ATAD2B: variants seen among roughly 807,000 people sequenced by gnomAD.
ATAD2B encodes ATPase family AAA domain containing 2B.
Under a neutral mutation model 167.6 loss-of-function variants are expected in ATAD2B, and 40 were observed. That is an observed-to-expected ratio of 0.24 (90% confidence interval 0.19 to 0.31). The LOEUF is 0.31. Among genes scored for constraint, ATAD2B ranks in the 10% least tolerant of loss-of-function variants. The pLI, the probability that ATAD2B is intolerant of heterozygous loss-of-function variation, is 1.00. For missense variants in ATAD2B, 1,242 were observed against 1,757.2 expected (o/e 0.71, Z 5.24); for synonymous variants, 579 against 596.5 (o/e 0.97, Z 0.43).
chr2:23,906,706 C>A (rs952895955), intron 1 of ATAD2B, among the ~76,000 whole-genome samples: 4 of 151,810 alleles, frequency 2.6e-5, no homozygotes, highest in East Asian at 1.9e-4. Context: ...AACATTGATG[C>A]AAAAATCCTC....
chr2:23,828,311 G>T (rs2149700695), intron 15 of ATAD2B, among the ~76,000 whole-genome samples: 1 of 152,232 alleles, frequency 6.6e-6, no homozygotes, highest in East Asian at 1.9e-4. Flanking sequence ...TCTGTGGGGA[G>T]ATCTTCCACT....
chr2:23,926,857 G>C lies in ATAD2B; in HGVS notation c.-87C>G. On this transcript the variant is annotated 5_prime_UTR_variant, in exon 1 of 28. Transcript: ENST00000238789. The stretch of plus-strand genomic sequence containing the variant: ...CGGCCGGTCAGTCAGGGCCAGCGGA[G>C]CCGAGCCGGGCAATGAGAGACGAGC... 7.1e-7 allele frequency: 1 copy of C among 1,417,064 alleles called. No homozygotes were observed. Among genetic ancestry groups the C allele is most frequent in the Non-Finnish European group, 9.3e-7 (1 of 1,079,448 alleles). The allele number at this position is 1,417,064 out of a possible 1,614,324, so 87.8% of individuals were successfully genotyped here.
chr2:23,710,504 A>G, the ATAD2B span, among the ~76,000 whole-genome samples: 5 of 152,316 alleles, frequency 3.3e-5, no homozygotes, highest in Admixed American at 3.3e-4. Flanking sequence ...GCTTTTAGAG[A>G]GCAGTGAGGC....
chr2:23,780,117 G>A (rs556881843), intron 22 of ATAD2B, among the ~76,000 whole-genome samples: 3 of 151,918 alleles, frequency 2.0e-5, no homozygotes, highest in South Asian at 2.1e-4. Context: ...GTGTGGTGGC[G>A]TGTGCCTGTA....
the ATAD2B span, among the ~76,000 whole-genome samples, chr2:23,741,874 T>C: frequency 4.6e-5 from 7 of 151,510 alleles, no homozygotes; most frequent in East Asian, 1.9e-4. Flanking sequence ...ACAAACAACC[T>C]CATCAAAAAG....
At chr2:23,824,474 A>G (rs72782136) in intron 15 of ATAD2B, among the ~76,000 whole-genome samples, 18,170 of 152,262 alleles carry the variant, frequency 0.12, 1,159 homozygotes, top group Middle Eastern at 0.22. Flanking sequence ...AACTCTGAGT[A>G]CAACCAACTA....
intron 1 of ATAD2B, among the ~76,000 whole-genome samples, chr2:23,917,980 C>A (rs185909441): frequency 6.6e-6 from 1 of 151,412 alleles, no homozygotes; most frequent in African/African-American, 2.4e-5. Flanking sequence ...ATCGCTTGAA[C>A]GCCAGAGGCA....
chr2:23,810,848 T>C (rs1346530682), intron 17 of ATAD2B, among the ~76,000 whole-genome samples: 1 of 151,936 alleles, frequency 6.6e-6, no homozygotes, highest in Admixed American at 6.6e-5. Context: ...CCGTCTCTAC[T>C]AAAAATACAA....
intron 1 of ATAD2B, among the ~76,000 whole-genome samples, chr2:23,914,770 G>C (rs566375911): frequency 1.3e-5 from 2 of 152,024 alleles, no homozygotes; most frequent in South Asian, 4.2e-4. Context: ...TGAACCCCGG[G>C]GGGCGGAAAC....
rs370812876 is a variant in ATAD2B, at chr2:23,754,676, G to C, written c.4177C>G (p.Pro1393Ala). Residue 1393 changes from proline to alanine, a missense_variant, in exon 26 of 28, where the codon CCT becomes GCT. Pro to Ala is a conservative substitution (Grantham distance 27). Around this residue, in one of 9 missense-constraint regions of ATAD2B, gnomAD observed 282 missense variants for 346.8 expected, o/e 0.81. Transcript: ENST00000238789. Reference sequence around the variant, plus strand: ...AATCTCTCACGATCAACTATAAGAGGAGGCACAGGCTCAGATGGCTCTTCT... The same window carrying C: ...AATCTCTCACGATCAACTATAAGAGCAGGCACAGGCTCAGATGGCTCTTCT... ...VPEEPSEPVP[P>A]LIVDRERLKK... The C allele has an allele frequency of 6.2e-7, 1 of 1,612,866 alleles. No individual in the cohort carries two copies.
chr2:23,728,480 G>A, the ATAD2B span, among the ~76,000 whole-genome samples: 516 of 151,540 alleles, frequency 3.4e-3, 3 homozygotes, highest in African/African-American at 0.012. Context: ...TACATACTAC[G>A]AAAAAAAGTC....
At chr2:23,887,572 TGAG>T (rs1246999612) in intron 4 of ATAD2B, among the ~76,000 whole-genome samples, 6 of 152,176 alleles carry the variant, frequency 3.9e-5, no homozygotes, top group Admixed American at 3.3e-4. Context: ...ACATATTATC[TGAG>T]AAGAGTAAAG....
chr2:23,858,774 T>C (rs1693859489), intron 12 of ATAD2B, among the ~76,000 whole-genome samples: 1 of 152,162 alleles, frequency 6.6e-6, no homozygotes, highest in African/African-American at 2.4e-5. Context: ...TGAGATACTG[T>C]GTCCAGCCTG....
chr2:23,763,597 T>G (rs77136882), intron 23 of ATAD2B, among the ~76,000 whole-genome samples: 4 of 151,820 alleles, frequency 2.6e-5, no homozygotes, highest in Admixed American at 6.6e-5. Flanking sequence ...TGTTTTGGGG[T>G]TTTTTTTGTT....
chr2:23,910,173 C>A (rs1370314456), intron 1 of ATAD2B, among the ~76,000 whole-genome samples: 2 of 106,898 alleles, frequency 1.9e-5, no homozygotes, highest in East Asian at 2.7e-4. Flanking sequence ...CTTGCATACT[C>A]TTTTTTTTTT....
the ATAD2B span, among the ~76,000 whole-genome samples, chr2:23,702,953 T>C: frequency 2.0e-5 from 3 of 151,160 alleles, no homozygotes; most frequent in Non-Finnish European, 3.0e-5. Context: ...GACGCTGCCA[T>C]AGGCAGAAAG....
intron 6 of ATAD2B, chr2:23,883,697 A>G: frequency 3.5e-6 from 3 of 849,334 alleles, no homozygotes; most frequent in Non-Finnish European, 5.0e-6. Flanking sequence ...CCTCTTCAAA[A>G]TTGACTAATA....
At position 23,754,901 on chromosome 2, in the gene ATAD2B, T is replaced by G; in HGVS notation, c.4079-127A>C. 5 of 980,264 alleles carry G rather than the reference T, an allele frequency of 5.1e-6. No homozygotes were observed. In the South Asian group the frequency reaches 6.8e-5, roughly 13 times the overall value. 60.7% of individuals were successfully genotyped at this position (980,264 alleles called of 1,614,324 possible). On this transcript the variant is annotated intron_variant, in intron 25 of 27. Transcript: ENST00000238789. ...GAATGAGGAAGGGTGTATTCTTAAG[T>G]GATTTTTTTTAAAGCAACCCAATGT...
At chr2:23,916,040 T>C (rs191768275) in intron 1 of ATAD2B, among the ~76,000 whole-genome samples, 27 of 152,224 alleles carry the variant, frequency 1.8e-4, no homozygotes, top group Non-Finnish European at 4.0e-4. Flanking sequence ...CATTAATAAG[T>C]AAAATTTTGT....
Sources: allele counts gnomAD v4.1 joint callset (sites outside exome capture counted in the v4.1 genomes callset), GRCh38; gene constraint gnomAD v4.1.1; regional missense constraint gnomAD v4.1.1; transcripts MANE v1.5; gene names NCBI Gene and HGNC (gene_info 2026-07-23, HGNC 2026-07-21).